The following SYN2 variants were observed in gnomAD, a reference collection of about 807,000 sequenced individuals.
SYN2 encodes the protein synapsin II, also known as synapsin-2.
In SYN2, 19 loss-of-function variants were observed where a neutral mutation model predicts 50.9. The ratio of observed to expected loss-of-function variants is 0.37; its 90% CI spans 0.26 to 0.55. The LOEUF (loss-of-function observed/expected upper bound fraction) is 0.55. Ranked by LOEUF, SYN2 falls within the 20% of genes least tolerant of loss-of-function variation. SYN2 has a pLI of 0.81. For missense variants in SYN2, 587 were observed against 576.4 expected (o/e 1.02, Z -0.19); for synonymous variants, 255 against 224.9 (o/e 1.13, Z -1.20).
At chr3:12,145,922 A>T in intron 4 of SYN2, 87 bp downstream of exon 4, 1 of 1,566,610 alleles carries the variant, frequency 6.4e-7, no homozygotes, top group Non-Finnish European at 8.7e-7. Context: ...AAGATGCAGT[A>T]GGCCCCAGCC....
chr3:12,137,862 ATTTT>A lies in SYN2; in HGVS notation c.378-2788_378-2785del, dbSNP rs1696930973. Reference sequence around the variant, plus strand: ...TAAGAGAGGAATGGGAAAAAAGAACATTTTACTTTTTGTTTTATCCTTTTATATA... The same window carrying A: ...TAAGAGAGGAATGGGAAAAAAGAACAACTTTTTGTTTTATCCTTTTATATA... On this transcript the variant is annotated intron_variant, in intron 1 of 12. Transcript: ENST00000621198. Among the ~76,000 whole-genome samples, 6 of 152,290 alleles carry A rather than the reference ATTTT, an allele frequency of 3.9e-5. No homozygotes were observed. The South Asian group carries it at 1.2e-3, about 32-fold the overall frequency.
At position 12,004,393 on chromosome 3, in the gene SYN2, G is replaced by T; in HGVS notation, c.-159G>T. The stretch of plus-strand genomic sequence containing the variant: ...CCGCGCGGGTTGCCTGGCCCAGACC[G>T]CCGCTGCTGTCTGCGGGGTCTGGTG... On this transcript the variant is annotated 5_prime_UTR_variant, in exon 1 of 13. Coordinates refer to ENST00000621198, the MANE Select transcript of SYN2 (RefSeq NM_133625.6). 5.4e-6 allele frequency: 1 copy of T among 184,704 alleles called. No individual in the cohort carries two copies. 11.4% of individuals were successfully genotyped at this position (184,704 alleles called of 1,614,324 possible).
intron 1 of SYN2, among the ~76,000 whole-genome samples, chr3:12,131,137 CAATCCAAGTGCCCTGGTGCAGG>C (rs1255788890): frequency 1.3e-5 from 2 of 152,242 alleles, no homozygotes; most frequent in African/African-American, 2.4e-5. Context: ...TTCCACTCAC[CAATCCAAGTGCCCTGGTGCAGG>C]AGTGTGTCCT....
rs150504223 is a variant in SYN2, at chr3:12,191,473, G to GGT, written c.*864_*865dup. 0.021 allele frequency: 3,121 copies of GGT among 150,618 alleles called. 40 individuals are homozygous for GGT. Among genetic ancestry groups the GGT allele is most frequent in the African/African-American group, 0.039 (1,593 of 41,206 alleles). The allele number at this position is 150,618 out of a possible 1,614,324, so 9.3% of individuals were successfully genotyped here. A position where few individuals can be genotyped will look rare whatever the true frequency, so the allele number is the denominator to read the frequency against. ...TTAGGCTGAGAGAGTGTCCATGAGG[G>GGT]GTGTGTGTGTGTGTGTGCTTGAGTG... is the stretch of plus-strand genomic sequence containing the variant. On this transcript the variant is annotated 3_prime_UTR_variant, in exon 13 of 13. Transcript: ENST00000621198.
At chr3:12,090,422 A>C (rs563095533) in intron 1 of SYN2, among the ~76,000 whole-genome samples, 2 of 152,330 alleles carry the variant, frequency 1.3e-5, no homozygotes, top group South Asian at 4.1e-4. Context: ...TAAAGAGATG[A>C]CACAATGTAG....
intron 10 of SYN2, among the ~76,000 whole-genome samples, chr3:12,178,509 A>G (rs996945924): frequency 2.6e-5 from 4 of 152,136 alleles, no homozygotes; most frequent in Non-Finnish European, 4.4e-5. Context: ...TTCCTTTCCA[A>G]TCATCTCAAG....
intron 1 of SYN2, among the ~76,000 whole-genome samples, chr3:12,066,581 G>T (rs1404295003): frequency 6.6e-6 from 1 of 152,100 alleles, no homozygotes; most frequent in East Asian, 1.9e-4. Context: ...AAGTTTTTCA[G>T]CCCAAATAAT....
At chr3:12,118,437 G>A (rs571082828) in intron 1 of SYN2, among the ~76,000 whole-genome samples, 1 of 152,212 alleles carries the variant, frequency 6.6e-6, no homozygotes, top group African/African-American at 2.4e-5. Flanking sequence ...AAACACATGT[G>A]GAAAGAAGTC....
At chr3:12,143,241 G>A (rs1329175820) in intron 3 of SYN2, among the ~76,000 whole-genome samples, 1 of 152,082 alleles carries the variant, frequency 6.6e-6, no homozygotes, top group Non-Finnish European at 1.5e-5. Context: ...CCCAGAACTG[G>A]GACACAAGAA....
intron 10 of SYN2, among the ~76,000 whole-genome samples, chr3:12,176,379 GA>G (rs1465933658): frequency 6.6e-6 from 1 of 152,190 alleles, no homozygotes; most frequent in Admixed American, 6.5e-5. Context: ...TCCAGAGCCA[GA>G]AGGCTGAATT....
chr3:12,101,080 A>G (rs1185328741), intron 1 of SYN2, among the ~76,000 whole-genome samples: 2 of 152,226 alleles, frequency 1.3e-5, no homozygotes, highest in East Asian at 3.9e-4. Context: ...TCAATTCCTT[A>G]GAAGATTAAA....
At chr3:12,086,488 C>T (rs977434366) in intron 1 of SYN2, among the ~76,000 whole-genome samples, 7 of 152,038 alleles carry the variant, frequency 4.6e-5, no homozygotes, top group East Asian at 3.8e-4. Flanking sequence ...GCAGACCAAA[C>T]TCAACAACAT....
chr3:12,061,070 A>G (rs572225698), intron 1 of SYN2, among the ~76,000 whole-genome samples: 8 of 152,330 alleles, frequency 5.3e-5, no homozygotes, highest in Non-Finnish European at 1.0e-4. Context: ...AGCAAATGCT[A>G]TAAGTAAAAA....
intron 5 of SYN2, among the ~76,000 whole-genome samples, chr3:12,153,975 C>T (rs372122443): frequency 6.6e-6 from 1 of 152,170 alleles, no homozygotes; most frequent in Non-Finnish European, 1.5e-5. Flanking sequence ...CTTGCCAGAG[C>T]TTTCATTTCT....
At chr3:12,148,509 G>C (rs977461043) in intron 4 of SYN2, 14 of 152,238 alleles carry the variant, frequency 9.2e-5, no homozygotes, top group African/African-American at 3.4e-4. Flanking sequence ...GAGATACTTT[G>C]ATTGGGTTGG....
At chr3:12,044,576 C>T (rs575913173) in intron 1 of SYN2, among the ~76,000 whole-genome samples, 85 of 152,040 alleles carry the variant, frequency 5.6e-4, no homozygotes, top group African/African-American at 2.0e-3. Flanking sequence ...AATTAGAACC[C>T]CTGAAAATAG....
Position 12,151,251 on chromosome 3 carries a change from C to G in SYN2, c.699C>G (p.Val233=). The part of the protein sequence containing the change: ...CDKPWVFAQL[V]AIYKTLGGEK... ...TTCTTTTGCAGTTTGCCCAGCTGGT[C>G]GCTATCTATAAGACACTGGGAGGAG... The change falls in exon 5 of 13, where the codon GTC becomes GTG. Residue 233 remains valine, a synonymous_variant. Coordinates refer to ENST00000621198, the MANE Select transcript of SYN2 (RefSeq NM_133625.6). The G allele has an allele frequency of 6.2e-7, 1 of 1,612,498 alleles. No individual in the cohort carries two copies. Among genetic ancestry groups the G allele is most frequent in the Non-Finnish European group, 8.5e-7 (1 of 1,179,408 alleles).
chr3:12,048,142 A>G (rs550782036), intron 1 of SYN2, among the ~76,000 whole-genome samples: 1 of 152,132 alleles, frequency 6.6e-6, no homozygotes, highest in Non-Finnish European at 1.5e-5. Context: ...CGTGTTTGCT[A>G]CATTTTACTT....
intron 1 of SYN2, among the ~76,000 whole-genome samples, chr3:12,087,513 A>G (rs188739434): frequency 4.2e-4 from 64 of 152,244 alleles, no homozygotes; most frequent in Admixed American, 3.5e-3. Context: ...AAAAACAGAC[A>G]TGTCAACCAA....
Sources: allele counts gnomAD v4.1 joint callset (sites outside exome capture counted in the v4.1 genomes callset), GRCh38; gene constraint gnomAD v4.1.1; transcripts MANE v1.5; gene names NCBI Gene and HGNC (gene_info 2026-07-23, HGNC 2026-07-21).